Variants in POGZ observed in about 807,000 individuals in gnomAD.
The protein encoded by POGZ is pogo transposable element derived with ZNF domain.
POGZ carries 17 observed loss-of-function variants against 134.6 expected under a neutral mutation model. That is an observed-to-expected ratio of 0.13 (90% CI 0.09 to 0.19). The LOEUF (loss-of-function observed/expected upper bound fraction) is 0.19. Ranked by LOEUF, POGZ falls within the 10% of genes least tolerant of loss-of-function variation. The probability of loss-of-function intolerance (pLI) is 1.00; values close to 1 mark genes in which losing one functional copy is unlikely to be tolerated. For missense variants in POGZ, 1,306 were observed against 1,769.7 expected, an observed-to-expected ratio of 0.74 and a Z score of 4.70; for synonymous variants, 693 against 657.1, an observed-to-expected ratio of 1.05 and a Z score of -0.84.
intron 2 of POGZ, among the ~76,000 whole-genome samples, chr1:151,441,548 A>C (rs1243797488): frequency 6.6e-6 from 1 of 152,108 alleles, no homozygotes; most frequent in Non-Finnish European, 1.5e-5. Flanking sequence ...AAGAACTACC[A>C]CCCATTTTCT....
At chr1:151,424,811 C>A in intron 8 of POGZ, 144 bp downstream of exon 8, 1 of 588,592 alleles carries the variant, frequency 1.7e-6, no homozygotes, top group South Asian at 2.0e-5. Context: ...CCAAAGTACA[C>A]AGCTCTTCTA....
intron 1 of POGZ, chr1:151,455,062 GCGCCATTA>G (rs1229067147): frequency 6.6e-6 from 1 of 151,390 alleles, no homozygotes. Context: ...AGCCGAGATT[GCGCCATTA>G]CGCTCCAGCC....
At position 151,455,521 on chromosome 1, in the gene POGZ, C is replaced by T. The variant is rs563294602; in HGVS notation, c.-2+3631G>A. Among the ~76,000 whole-genome samples the T allele has an allele frequency of 9.9e-5, 15 of 152,282 alleles. 1 individual carries two copies. The South Asian group carries it at 1.4e-3, about 15-fold the overall frequency. On this transcript the variant is annotated intron_variant, in intron 1 of 18. Coordinates refer to ENST00000271715, the MANE Select transcript of POGZ (RefSeq NM_015100.4). ...TTTTGACTCTTAAAATTATTGAAGA[C>T]GCCAAAGATCTTTTGTTTATGTGAA...
At chr1:151,457,313 T>C (rs1662892146) in intron 1 of POGZ, among the ~76,000 whole-genome samples, 2 of 152,242 alleles carry the variant, frequency 1.3e-5, no homozygotes, top group South Asian at 2.1e-4. Flanking sequence ...ACTTTTATGT[T>C]AGACCAGTAA....
In POGZ at chr1:151,406,115, A is replaced by C; in HGVS notation, c.2920T>G (p.Ser974Ala). The C allele has an allele frequency of 6.2e-7, 1 of 1,614,196 alleles. No homozygotes were observed. Among genetic ancestry groups the C allele is most frequent in the Non-Finnish European group, 8.5e-7 (1 of 1,180,030 alleles). Residue 974 changes from serine to alanine, a missense_variant, in exon 19 of 19, where the codon TCT (serine) becomes GCT (alanine). Ser to Ala is a moderately conservative substitution (Grantham distance 99, BLOSUM62 1). This residue lies in a region of POGZ where 214 missense variants were observed against 255.5 expected (regional missense o/e 0.84). Coordinates refer to ENST00000271715, the MANE Select transcript of POGZ (RefSeq NM_015100.4). The part of the protein sequence containing the change: ...SGGVGKKEQL[S>A]VKKLRVVLFA... ...AGTACTACTCGAAGCTTCTTCACAG[A>C]CAGCTGCTCCTTTTTGCCAACTCCA...
chr1:151,447,818 C>T (rs1661492528), intron 1 of POGZ, among the ~76,000 whole-genome samples: 1 of 151,892 alleles, frequency 6.6e-6, no homozygotes, highest in African/African-American at 2.4e-5. Context: ...ATGCAGTTAT[C>T]TTTACAGATA....
At chr1:151,425,564 T>C (rs999743516) in intron 7 of POGZ, among the ~76,000 whole-genome samples, 2 of 152,136 alleles carry the variant, frequency 1.3e-5, no homozygotes, top group Admixed American at 1.3e-4. Context: ...CTCTATGAAT[T>C]TGACTACTCT....
At chr1:151,449,064 C>G (rs143367766) in intron 1 of POGZ, among the ~76,000 whole-genome samples, 3 of 152,212 alleles carry the variant, frequency 2.0e-5, no homozygotes, top group African/African-American at 7.2e-5. Context: ...AAAGCCTACA[C>G]CTTTACTTTC....
chr1:151,403,325 A>G lies in POGZ; in HGVS notation c.*1477T>C, dbSNP rs540277903. ...CCCAGTCTGTGAAAGCCTATTAAACAGGGTCACCTAGAAAAAAAACAAGTT... is the reference window on the plus strand; with the variant it reads ...CCCAGTCTGTGAAAGCCTATTAAACGGGGTCACCTAGAAAAAAAACAAGTT... On this transcript the variant is annotated 3_prime_UTR_variant, in exon 19 of 19. Transcript: ENST00000271715. 65 of 985,648 alleles carry G rather than the reference A, an allele frequency of 6.6e-5. No homozygotes were observed. Among genetic ancestry groups the G allele is most frequent in the Admixed American group, 1.2e-4 (2 of 16,286 alleles). The allele number at this position is 985,648 out of a possible 1,614,324, so 61.1% of individuals were successfully genotyped here. A position where few individuals can be genotyped will look rare whatever the true frequency, so the allele number is the denominator to read the frequency against.
intron 1 of POGZ, among the ~76,000 whole-genome samples, chr1:151,453,415 G>A (rs867174361): frequency 2.6e-5 from 4 of 151,964 alleles, no homozygotes; most frequent in Middle Eastern, 6.8e-3. Flanking sequence ...CAATTTTCAT[G>A]TAGCTTGTAT....
At chr1:151,448,659 C>T (rs967779713) in intron 1 of POGZ, among the ~76,000 whole-genome samples, 6 of 151,970 alleles carry the variant, frequency 3.9e-5, no homozygotes, top group Non-Finnish European at 7.4e-5. Flanking sequence ...CCCAGAGGTT[C>T]GAGACCAGCC....
Position 151,408,150 on chromosome 1 carries a change from C to T in POGZ, c.2325G>A (p.Leu775=). 1.9e-6 allele frequency: 3 copies of T among 1,613,416 alleles called. No homozygotes were observed. Among genetic ancestry groups the T allele is most frequent in the Non-Finnish European group, 2.5e-6 (3 of 1,179,758 alleles). The change falls in exon 15 of 19, where the codon CTG becomes CTA. Residue 775 remains leucine, a synonymous_variant. Transcript: ENST00000271715. ...NHFPTYVHCS[L]CRYSTCCSRA... is the part of the protein sequence containing the mutation. ...GAGAACAGCAGGTGCTATAGCGACA[C>T]AGAGAGCAGTGTACGTAAGTAGGGA...
intron 8 of POGZ, 73 bp downstream of exon 8, chr1:151,424,882 T>C (rs967540183): frequency 7.7e-6 from 6 of 781,506 alleles, no homozygotes; most frequent in Admixed American, 2.1e-5. Context: ...GAGCCCCTGC[T>C]TACAAGCTTC....
chr1:151,439,082 T>A (rs1660101083), intron 3 of POGZ: 1 of 151,926 alleles, frequency 6.6e-6, no homozygotes, highest in Non-Finnish European at 1.5e-5. Flanking sequence ...CACTGCTAAA[T>A]TTGACTGGCT....
At chr1:151,431,942 G>A (rs1229680180) in intron 3 of POGZ, among the ~76,000 whole-genome samples, 1 of 152,076 alleles carries the variant, frequency 6.6e-6, no homozygotes, top group Non-Finnish European at 1.5e-5. Context: ...GCCAAGGCAG[G>A]CACATCACTT....
chr1:151,449,207 C>G (rs1001512375), intron 1 of POGZ, among the ~76,000 whole-genome samples: 1 of 152,232 alleles, frequency 6.6e-6, no homozygotes, highest in African/African-American at 2.4e-5. Flanking sequence ...GGGATTCATT[C>G]AACACCTGTA....
At chr1:151,414,543 G>A (rs1571371925) in intron 10 of POGZ, among the ~76,000 whole-genome samples, 5 of 152,362 alleles carry the variant, frequency 3.3e-5, no homozygotes, top group Admixed American at 3.3e-4. Context: ...AACACTTTGG[G>A]AGGCCAAGGC....
chr1:151,435,503 T>A (rs76285239), intron 3 of POGZ, among the ~76,000 whole-genome samples: 12,097 of 151,774 alleles, frequency 0.08, 1,337 homozygotes, highest in East Asian at 0.44. Context: ...CTTTCCTTTT[T>A]TTTTTTTGAG....
intron 1 of POGZ, 36 bp from the exon 2 acceptor site, chr1:151,442,241 A>G: frequency 6.3e-7 from 1 of 1,592,734 alleles, no homozygotes; most frequent in Non-Finnish European, 8.6e-7. Flanking sequence ...TATGGGCCTA[A>G]GAATAGGAGA....
Sources: allele counts gnomAD v4.1 joint callset (sites outside exome capture counted in the v4.1 genomes callset), GRCh38; gene constraint gnomAD v4.1.1; regional missense constraint gnomAD v4.1.1; transcripts MANE v1.5; gene names NCBI Gene and HGNC (gene_info 2026-07-23, HGNC 2026-07-21).